METTL14: variants seen among roughly 807,000 people sequenced by gnomAD.
The protein encoded by METTL14 is methyltransferase 14, N6-adenosine-methyltransferase non-catalytic subunit.
A neutral mutation model predicts 62.4 loss-of-function variants in METTL14; 32 were observed. That is an observed-to-expected ratio of 0.51 (90% confidence interval 0.39 to 0.69). The LOEUF is 0.69. Ranked by LOEUF, METTL14 falls within the 30% of genes least tolerant of loss-of-function variation. METTL14 has a pLI of 0.00. For missense variants in METTL14, 340 were observed against 551.9 expected, an observed-to-expected ratio of 0.62 and a Z score of 3.85; for synonymous variants, 150 against 180.0, an observed-to-expected ratio of 0.83 and a Z score of 1.34.
chr4:118,700,446 T>A (rs984580639), intron 7 of METTL14, 104 bp from the exon 8 acceptor site: 12 of 843,304 alleles, frequency 1.4e-5, no homozygotes, highest in Non-Finnish European at 2.3e-5. Flanking sequence ...CTAATACACT[T>A]AAAGAACACA....
chr4:118,700,176 C>T (rs931631309), intron 7 of METTL14, among the ~76,000 whole-genome samples: 1 of 151,952 alleles, frequency 6.6e-6, no homozygotes, highest in African/African-American at 2.4e-5. Context: ...TAATTTTGTC[C>T]CTAACATTGG....
rs1450765913 is a variant in METTL14 at position 118,712,028 on chromosome 4, T to C, written c.*1726T>C. ...GTATGGCTGCTTTGTCGGTTGAAAGTTAAGGGGAGCCATGATCTACCATAT... is the reference window on the plus strand; with the variant it reads ...GTATGGCTGCTTTGTCGGTTGAAAGCTAAGGGGAGCCATGATCTACCATAT... On this transcript the variant is annotated 3_prime_UTR_variant, in exon 11 of 11. Transcript: ENST00000388822. 6.6e-6 allele frequency: 1 copy of C among 152,168 alleles called. No individual in the cohort carries two copies. Among genetic ancestry groups the C allele is most frequent in the African/African-American group, 2.4e-5 (1 of 41,420 alleles). 9.4% of individuals were successfully genotyped at this position (152,168 alleles called of 1,614,324 possible). A position where few individuals can be genotyped will look rare whatever the true frequency, so the allele number is the denominator to read the frequency against.
intron 9 of METTL14, 98 bp downstream of exon 9, chr4:118,704,149 T>A: frequency 1.4e-6 from 1 of 703,334 alleles, no homozygotes; most frequent in Non-Finnish European, 2.4e-6. Context: ...AGTGAAAAGG[T>A]CCTTTTCTTA....
chr4:118,700,642 G>A lies in METTL14; in HGVS notation c.738G>A (p.Val246=). ...GSGEGLDLGR[V]CLRKWGYRRC... ...GGGAGGGGTTGGACCTTGGAAGAGT[G>A]GTAAGATGGTGCTTTTATAAAGTGG... Residue 246 remains valine, a splice_region_variant and synonymous_variant, in exon 8 of 11, where the codon GTG becomes GTA. Coordinates refer to ENST00000388822, the MANE Select transcript of METTL14 (RefSeq NM_020961.4). The A allele has an allele frequency of 6.3e-7, 1 of 1,593,940 alleles. No homozygotes were observed. Among genetic ancestry groups the A allele is most frequent in the South Asian group, 1.1e-5 (1 of 87,536 alleles).
chr4:118,715,075 A>G lies in METTL14; in HGVS notation c.*4773A>G, dbSNP rs1325920391. 6.6e-6 allele frequency: 1 copy of G among 152,274 alleles called. No homozygotes were observed. Among genetic ancestry groups the G allele is most frequent in the African/African-American group, 2.4e-5 (1 of 41,468 alleles). The allele number at this position is 152,274 out of a possible 1,614,324, so 9.4% of individuals were successfully genotyped here. On this transcript the variant is annotated 3_prime_UTR_variant, in exon 11 of 11. Coordinates refer to ENST00000388822, the MANE Select transcript of METTL14 (RefSeq NM_020961.4). ...TGAACTAATACTTTAAAATTGCCGT[A>G]TAATGATGTCATTGCAAGCCATTCA...
chr4:118,696,665 G>A (rs1379011657), intron 6 of METTL14, among the ~76,000 whole-genome samples: 1 of 152,068 alleles, frequency 6.6e-6, no homozygotes, highest in African/African-American at 2.4e-5. Context: ...ATATTAGGTA[G>A]CATGAAAAGA....
Position 118,711,275 on chromosome 4 carries a change from C to T in METTL14, c.*973C>T, listed in dbSNP as rs1724912740. The T allele has an allele frequency of 6.6e-6, 1 of 152,094 alleles. No individual in the cohort carries two copies. Among genetic ancestry groups the T allele is most frequent in the Admixed American group, 6.6e-5 (1 of 15,262 alleles). The allele number at this position is 152,094 out of a possible 1,614,324, so 9.4% of individuals were successfully genotyped here. ...GAACTGCAATTGCCTTTTATTAAAA[C>T]CATATGGTGTGATGTTTGTTTTTAA... On this transcript the variant is annotated 3_prime_UTR_variant, in exon 11 of 11. Coordinates refer to ENST00000388822, the MANE Select transcript of METTL14 (RefSeq NM_020961.4).
In METTL14 at chr4:118,715,199, TATC is replaced by T. The variant is rs1445780636; in HGVS notation, c.*4900_*4902del. On this transcript the variant is annotated 3_prime_UTR_variant, in exon 11 of 11. Transcript: ENST00000388822. ...CTGTACAGATTTTTATAACTGTTGT[TATC>T]ATAAGAGAATGGCTACATCATTATC... is the stretch of plus-strand genomic sequence containing the variant. 6 of 152,250 alleles carry T rather than the reference TATC, an allele frequency of 3.9e-5. No homozygotes were observed. In the South Asian group the frequency reaches 1.2e-3, roughly 32 times the overall value. The allele number at this position is 152,250 out of a possible 1,614,324, so 9.4% of individuals were successfully genotyped here.
intron 10 of METTL14, among the ~76,000 whole-genome samples, chr4:118,707,088 T>C (rs1054376171): frequency 6.6e-6 from 1 of 152,208 alleles, no homozygotes; most frequent in African/African-American, 2.4e-5. Flanking sequence ...CTTTTTTATT[T>C]TCTTTCTAGT....
chr4:118,685,479 A>G lies in METTL14; in HGVS notation c.-56A>G, dbSNP rs1443262989. On this transcript the variant is annotated 5_prime_UTR_variant, in exon 1 of 11. It adds an upstream start codon to the 5' untranslated region. Transcript: ENST00000388822. The stretch of plus-strand genomic sequence containing the variant: ...CACAGACTCGGAAGAAAGGTTGGAT[A>G]AGAGTTCACTGGAGATTGACAAGTA... 8 of 1,519,354 alleles carry G rather than the reference A, an allele frequency of 5.3e-6. No homozygotes were observed. The highest frequency in any genetic ancestry group is 1.1e-5 in the South Asian group (1 of 89,136). The allele number at this position is 1,519,354 out of a possible 1,614,324, so 94.1% of individuals were successfully genotyped here. A position where few individuals can be genotyped will look rare whatever the true frequency, so the allele number is the denominator to read the frequency against.
At chr4:118,709,658 A>G (rs1451681191) in intron 10 of METTL14, among the ~76,000 whole-genome samples, 2 of 152,340 alleles carry the variant, frequency 1.3e-5, no homozygotes, top group South Asian at 2.1e-4. Flanking sequence ...CACCATTTAC[A>G]TAAATAGGAA....
Position 118,705,598 on chromosome 4 carries a change from T to A in METTL14, c.856-13T>A. Reference sequence around the variant, plus strand: ...GATGAAAACAGATTAATTGGTCTGCTCTTGTTATTTAGGAACACTGCCTCA... The same window carrying A: ...GATGAAAACAGATTAATTGGTCTGCACTTGTTATTTAGGAACACTGCCTCA... On this transcript the variant is annotated splice_polypyrimidine_tract_variant and intron_variant, in intron 9 of 10. Coordinates refer to ENST00000388822, the MANE Select transcript of METTL14 (RefSeq NM_020961.4). The A allele has an allele frequency of 6.2e-7, 1 of 1,609,288 alleles. No individual in the cohort carries two copies. Among genetic ancestry groups the A allele is most frequent in the South Asian group, 1.1e-5 (1 of 90,940 alleles).
At chr4:118,695,289 C>T (rs1465173990) in intron 6 of METTL14, among the ~76,000 whole-genome samples, 2 of 152,202 alleles carry the variant, frequency 1.3e-5, no homozygotes, top group African/African-American at 4.8e-5. Context: ...TGGCTCACCC[C>T]TCTAATCCCA....
rs1724249617 is a variant in METTL14, at chr4:118,691,644, CTTCA to C, written c.324+34_324+37del. 5.3e-6 allele frequency: 6 copies of C among 1,138,308 alleles called. No individual in the cohort carries two copies. The South Asian group carries it at 9.6e-5, about 18-fold the overall frequency. The allele number at this position is 1,138,308 out of a possible 1,614,324, so 70.5% of individuals were successfully genotyped here. A position where few individuals can be genotyped will look rare whatever the true frequency, so the allele number is the denominator to read the frequency against. ...TAAATAATTTTCAAATTTTGTAACT[CTTCA>C]TATTTAAGTTCTATACCTGAAAAGA... On this transcript the variant is annotated intron_variant, in intron 4 of 10. Coordinates refer to ENST00000388822, the MANE Select transcript of METTL14 (RefSeq NM_020961.4).
At chr4:118,690,677 CAAA>C (rs1046821905) in intron 3 of METTL14, among the ~76,000 whole-genome samples, 1 of 74,944 alleles carries the variant, frequency 1.3e-5, no homozygotes, top group Non-Finnish European at 2.6e-5. Context: ...GACTCTGTCT[CAAA>C]AAAAAAAAAA....
At chr4:118,687,738 T>C (rs957656750) in intron 1 of METTL14, among the ~76,000 whole-genome samples, 185 bp from the exon 2 acceptor site, 1 of 152,152 alleles carries the variant, frequency 6.6e-6, no homozygotes, top group Non-Finnish European at 1.5e-5. Flanking sequence ...TTAATGCGGT[T>C]TTTTTCCAGA....
At chr4:118,696,017 G>A (rs1329769566) in intron 6 of METTL14, among the ~76,000 whole-genome samples, 2 of 148,526 alleles carry the variant, frequency 1.3e-5, no homozygotes, top group Non-Finnish European at 3.0e-5. Context: ...GGCAGAGGCT[G>A]AGGCAGAAGA....
chr4:118,689,551 A>T (rs929437173), intron 3 of METTL14, 94 bp downstream of exon 3: 1 of 637,918 alleles, frequency 1.6e-6, no homozygotes, highest in Admixed American at 3.2e-5. Flanking sequence ...GGAAAGCCTA[A>T]TTTTAAGATG....
intron 6 of METTL14, among the ~76,000 whole-genome samples, chr4:118,694,968 A>C (rs993462806): frequency 1.3e-5 from 2 of 151,796 alleles, no homozygotes; most frequent in Non-Finnish European, 2.9e-5. Context: ...TGCCTGGCTA[A>C]TTTTTGGCAC....
Sources: allele counts gnomAD v4.1 joint callset (sites outside exome capture counted in the v4.1 genomes callset), GRCh38; gene constraint gnomAD v4.1.1; transcripts MANE v1.5; gene names NCBI Gene and HGNC (gene_info 2026-07-23, HGNC 2026-07-21).